Variants in SLC14A2 observed in about 807,000 individuals in gnomAD.
The protein encoded by SLC14A2 is urea transporter 2.
SLC14A2 carries 91 observed loss-of-function variants against 104.6 expected under a neutral mutation model. That is an observed-to-expected ratio of 0.87 (90% CI 0.73 to 1.04). The LOEUF (loss-of-function observed/expected upper bound fraction) is 1.04. Among genes scored for constraint, SLC14A2 ranks in the 50% least tolerant of loss-of-function variants. SLC14A2 has a pLI of 0.00. For synonymous variants in SLC14A2, 476 were observed against 466.4 expected, an observed-to-expected ratio of 1.02 and a Z score of -0.27; for missense variants, 1,189 against 1,156.0, an observed-to-expected ratio of 1.03 and a Z score of -0.41.
intron 2 of SLC14A2, among the ~76,000 whole-genome samples, chr18:45,555,744 T>C (rs551687050): frequency 6.6e-6 from 1 of 152,370 alleles, no homozygotes; most frequent in East Asian, 1.9e-4. Context: ...GGCTGCTTAA[T>C]GTTCCCTCAT....
Position 45,662,803 on chromosome 18 carries a change from T to C in SLC14A2, c.1352-982T>C, listed in dbSNP as rs545094090. Among the ~76,000 whole-genome samples, 13 of 152,212 alleles carry C rather than the reference T, an allele frequency of 8.5e-5. No individual in the cohort carries two copies. The South Asian group carries it at 2.3e-3, about 27-fold the overall frequency. ...GCTGCTGGACCATCTAACTCTAGTG[T>C]GTACTGGAGCTCCAAGCAGAGCAAG... On this transcript the variant is annotated intron_variant, in intron 10 of 19. Coordinates refer to ENST00000255226, the MANE Select transcript of SLC14A2 (RefSeq NM_007163.4).
chr18:45,519,678 T>C (rs1015198179), intron 2 of SLC14A2, among the ~76,000 whole-genome samples: 3 of 152,156 alleles, frequency 2.0e-5, no homozygotes, highest in Non-Finnish European at 4.4e-5. Context: ...ACTTGTGCAC[T>C]TGGCAATCAA....
chr18:45,545,495 T>A (rs2043955946), intron 2 of SLC14A2, among the ~76,000 whole-genome samples: 1 of 152,208 alleles, frequency 6.6e-6, no homozygotes, highest in African/African-American at 2.4e-5. Context: ...AGAACATATG[T>A]CTGCAGCCCC....
intron 2 of SLC14A2, among the ~76,000 whole-genome samples, chr18:45,594,054 T>C (rs779122464): frequency 2.0e-5 from 3 of 152,202 alleles, no homozygotes; most frequent in Non-Finnish European, 2.9e-5. Context: ...TGTTTAGTGC[T>C]GCTTACTTTT....
intron 1 of SLC14A2, among the ~76,000 whole-genome samples, chr18:45,307,138 C>T (rs992804815): frequency 6.6e-6 from 1 of 152,050 alleles, no homozygotes; most frequent in Admixed American, 6.6e-5. Flanking sequence ...TAACCTTGGC[C>T]GGGCGTGGTG....
At chr18:45,508,845 A>G (rs1469821251) in intron 2 of SLC14A2, among the ~76,000 whole-genome samples, 1 of 152,224 alleles carries the variant, frequency 6.6e-6, no homozygotes, top group African/African-American at 2.4e-5. Context: ...GGGAATTAAC[A>G]AACTGGTCTT....
chr18:45,396,546 A>G (rs982289196), intron 1 of SLC14A2, among the ~76,000 whole-genome samples: 9 of 149,550 alleles, frequency 6.0e-5, no homozygotes, highest in Non-Finnish European at 1.3e-4. Context: ...GGGGTTTTCC[A>G]TTTATTTGTT....
intron 1 of SLC14A2, among the ~76,000 whole-genome samples, chr18:45,216,547 A>G (rs2084012282): frequency 1.3e-5 from 2 of 152,044 alleles, no homozygotes; most frequent in Admixed American, 1.3e-4. Context: ...TGTATTTTTT[A>G]TTCTTCTCAT....
At chr18:45,341,592 T>C (rs2085395619) in intron 1 of SLC14A2, among the ~76,000 whole-genome samples, 1 of 149,908 alleles carries the variant, frequency 6.7e-6, no homozygotes, top group African/African-American at 2.5e-5. Context: ...CTGTCTAGTA[T>C]TACTTTTTTT....
intron 1 of SLC14A2, among the ~76,000 whole-genome samples, chr18:45,382,359 A>C (rs1326138992): frequency 6.6e-6 from 1 of 152,220 alleles, no homozygotes; most frequent in Non-Finnish European, 1.5e-5. Flanking sequence ...AGTACATGGC[A>C]GAATCTATTG....
Position 45,300,677 on chromosome 18 carries a change from C to T in SLC14A2, c.-125+87486C>T, listed in dbSNP as rs79992597. 5.4e-4 allele frequency among the ~76,000 whole-genome samples: 82 copies of T among 152,306 alleles called. No homozygotes were observed. The East Asian group carries it at 0.014, about 25-fold the overall frequency. ...TTACTTTAATCTTATAAACCAGGCA[C>T]TCTTTTAAGCATTTTACATACATGA... On this transcript the variant is annotated intron_variant, in intron 1 of 20. Coordinates refer to the SLC14A2 transcript ENST00000586448.
the SLC14A2 span, among the ~76,000 whole-genome samples, chr18:45,176,675 G>A: frequency 1.3e-4 from 20 of 152,284 alleles, no homozygotes; most frequent in Admixed American, 2.6e-4. Flanking sequence ...TCCTGTGGCT[G>A]CATTCACACA....
At chr18:45,267,613 C>T (rs1212541412) in intron 1 of SLC14A2, among the ~76,000 whole-genome samples, 4 of 152,212 alleles carry the variant, frequency 2.6e-5, no homozygotes, top group East Asian at 1.9e-4. Context: ...TCAAGAACTA[C>T]AAATGTTCAG....
chr18:45,205,733 CA>C, the SLC14A2 span, among the ~76,000 whole-genome samples: 1 of 152,226 alleles, frequency 6.6e-6, no homozygotes, highest in Non-Finnish European at 1.5e-5. Context: ...GTGGATCCTT[CA>C]GAGTACAAGG....
At chr18:45,625,264 C>T (rs933850139) in intron 2 of SLC14A2, among the ~76,000 whole-genome samples, 2 of 152,194 alleles carry the variant, frequency 1.3e-5, no homozygotes, top group African/African-American at 4.8e-5. Context: ...CATATCTTTA[C>T]TCATCACTAC....
the SLC14A2 span, among the ~76,000 whole-genome samples, chr18:45,180,195 G>C: frequency 6.6e-6 from 1 of 152,002 alleles, no homozygotes; most frequent in Non-Finnish European, 1.5e-5. Flanking sequence ...TGGGCCTGGA[G>C]CCTGATTGAC....
chr18:45,180,646 G>C, the SLC14A2 span, among the ~76,000 whole-genome samples: 1 of 152,126 alleles, frequency 6.6e-6, no homozygotes, highest in African/African-American at 2.4e-5. Flanking sequence ...TATCAAGGAA[G>C]TATAATAAAA....
At chr18:45,493,956 A>G (rs1251605506) in intron 2 of SLC14A2, among the ~76,000 whole-genome samples, 1 of 152,246 alleles carries the variant, frequency 6.6e-6, no homozygotes, top group African/African-American at 2.4e-5. Flanking sequence ...ATCCTTAATC[A>G]CCTAAATGGA....
chr18:45,613,314 G>A (rs188419879), upstream of SLC14A2, among the ~76,000 whole-genome samples: 5 of 152,242 alleles, frequency 3.3e-5, no homozygotes, highest in South Asian at 4.2e-4. Context: ...GAGCCACTGC[G>A]CCTGGCCAGC....
Sources: gnomAD v4.1 joint callset for allele counts (sites outside exome capture counted in the v4.1 genomes callset) on GRCh38, gnomAD v4.1.1 for gene constraint, MANE v1.5 for transcripts, NCBI Gene and HGNC (gene_info 2026-07-23, HGNC 2026-07-21) for gene names.